The following THAP2 variants were observed in gnomAD, a reference collection of about 807,000 sequenced individuals.
THAP2 encodes the protein THAP domain containing 2, also known as THAP domain-containing protein 2.
In THAP2, 16 loss-of-function variants were observed where a neutral mutation model predicts 18.8. The ratio of observed to expected loss-of-function variants is 0.85; its 90% confidence interval spans 0.58 to 1.29. The LOEUF is 1.29. Ranked by LOEUF, THAP2 falls within the 50% of genes most tolerant of loss-of-function variation. THAP2 has a pLI of 0.00. For synonymous variants in THAP2, 80 were observed against 89.2 expected (o/e 0.90, Z 0.58); for missense variants, 251 against 265.3 (o/e 0.95, Z 0.38).
In THAP2 at chr12:71,664,570, A is replaced by T; in HGVS notation, c.61A>T (p.Ser21Cys). 1.9e-6 allele frequency: 3 copies of T among 1,614,190 alleles called. No homozygotes were observed. Among genetic ancestry groups the T allele is most frequent in the African/African-American group, 2.7e-5 (2 of 75,042 alleles). ...ATTYNKHINISFHRFPLDPKR... is the reference protein window; with the variant it reads ...ATTYNKHINICFHRFPLDPKR... ...TACCTACAACAAGCACATTAACATC[A>T]GCTTCCACAGGTAACCTGGGCAGGG... is the stretch of plus-strand genomic sequence containing the variant. The change falls in exon 1 of 3, where the codon AGC becomes TGC. Residue 21 changes from serine to cysteine, a missense_variant. Coordinates refer to ENST00000308086, the MANE Select transcript of THAP2 (RefSeq NM_031435.4).
chr12:71,674,355 C>T lies in THAP2; in HGVS notation c.224C>T (p.Ala75Val), dbSNP rs768646596. 6.2e-7 allele frequency: 1 copy of T among 1,611,550 alleles called. No homozygotes were observed. The highest frequency in any genetic ancestry group is 1.1e-5 in the South Asian group (1 of 90,824). The change falls in exon 2 of 3, where the codon GCT (alanine) becomes GTT (valine). Residue 75 changes from alanine to valine, a missense_variant. Ala to Val is a moderately conservative substitution (Grantham distance 64). Coordinates refer to ENST00000308086, the MANE Select transcript of THAP2 (RefSeq NM_031435.4). ...CAAACTCGACGACTTAAAATGGATG[C>T]TGTTCCAACCATTTTTGATTTTTGT... ...TGQTRRLKMD[A>V]VPTIFDFCTH...
intron 1 of THAP2, among the ~76,000 whole-genome samples, chr12:71,669,393 AAG>A (rs1375414647): frequency 2.0e-5 from 3 of 152,334 alleles, no homozygotes; most frequent in Middle Eastern, 3.4e-3. Context: ...TAGTTTTAAA[AAG>A]AGCTTTAAAA....
At position 71,677,172 on chromosome 12, in the gene THAP2, C is replaced by A; in HGVS notation, c.*64C>A. The A allele has an allele frequency of 7.4e-7, 1 of 1,345,482 alleles. No homozygotes were observed. Among genetic ancestry groups the A allele is most frequent in the South Asian group, 2.1e-5 (1 of 47,972 alleles). The allele number at this position is 1,345,482 out of a possible 1,614,324, so 83.3% of individuals were successfully genotyped here. Reference sequence around the variant, plus strand: ...TTTTCAGAAGTAAAGATAATTATGGCACTTATGCCAAAATTCATTATTTAA... The same window carrying A: ...TTTTCAGAAGTAAAGATAATTATGGAACTTATGCCAAAATTCATTATTTAA... On this transcript the variant is annotated 3_prime_UTR_variant, in exon 3 of 3. Coordinates refer to ENST00000308086, the MANE Select transcript of THAP2 (RefSeq NM_031435.4).
At position 71,664,459 on chromosome 12, in the gene THAP2, A is replaced by G. The variant is rs2137573727; in HGVS notation, c.-51A>G. On this transcript the variant is annotated 5_prime_UTR_variant, in exon 1 of 3. Coordinates refer to ENST00000308086, the MANE Select transcript of THAP2 (RefSeq NM_031435.4). ...AGCCTCTGCCAGAAGAAAGCTTAGCAGCCAGCGCCTCAGTAGAGACCTAAG... is the reference window on the plus strand; with the variant it reads ...AGCCTCTGCCAGAAGAAAGCTTAGCGGCCAGCGCCTCAGTAGAGACCTAAG... 1.2e-6 allele frequency: 2 copies of G among 1,610,216 alleles called. No individual in the cohort carries two copies. The highest frequency in any genetic ancestry group is 4.5e-5 in the East Asian group (2 of 44,866).
At position 71,673,878 on chromosome 12, in the gene THAP2, G is replaced by A. The variant is rs1030357693; in HGVS notation, c.72-325G>A. ...ATTAAAGCGTGGTGAAATTACTCCC[G>A]CTTATAATTGTTCTACTTAAACTTG... On this transcript the variant is annotated intron_variant, in intron 1 of 2. Transcript: ENST00000308086. Among the ~76,000 whole-genome samples the A allele has an allele frequency of 2.8e-4, 42 of 152,004 alleles. 1 individual carries two copies. Among genetic ancestry groups the A allele is most frequent in the African/African-American group, 3.1e-4 (13 of 41,474 alleles).
chr12:71,665,060 G>A, intron 1 of THAP2: 1 of 687,604 alleles, frequency 1.5e-6, no homozygotes. Flanking sequence ...GATAGCCATG[G>A]AATTAAGCGA....
Position 71,677,235 on chromosome 12 carries a change from A to C in THAP2, c.*127A>C, listed in dbSNP as rs573486322. 3.0e-5 allele frequency: 26 copies of C among 869,812 alleles called. No homozygotes were observed. In the East Asian group the frequency reaches 7.1e-4, roughly 24 times the overall value. The allele number at this position is 869,812 out of a possible 1,614,324, so 53.9% of individuals were successfully genotyped here. A position where few individuals can be genotyped will look rare whatever the true frequency, so the allele number is the denominator to read the frequency against. ...TGAAGTAACATTACTGAATTTGTGA[A>C]GACTTGATTACAAAAGAATAAAAAA... On this transcript the variant is annotated 3_prime_UTR_variant, in exon 3 of 3. Coordinates refer to ENST00000308086, the MANE Select transcript of THAP2 (RefSeq NM_031435.4).
rs143896949 is a variant in THAP2, at chr12:71,668,259, T to C, written c.71+3679T>C. On this transcript the variant is annotated intron_variant, in intron 1 of 2. Coordinates refer to ENST00000308086, the MANE Select transcript of THAP2 (RefSeq NM_031435.4). ...AATTTTTAAGGCCTCCTGACTAGAC[T>C]AGCTCTTCCTGTTTTACGGTTCCAC... Among the ~76,000 whole-genome samples, 11 of 152,334 alleles carry C rather than the reference T, an allele frequency of 7.2e-5. No individual in the cohort carries two copies. The East Asian group carries it at 2.1e-3, about 29-fold the overall frequency.
chr12:71,666,105 GAT>G (rs1881337986), intron 1 of THAP2, among the ~76,000 whole-genome samples: 4 of 152,256 alleles, frequency 2.6e-5, no homozygotes, highest in Admixed American at 2.6e-4. Context: ...AGACTAGGGT[GAT>G]ATTAGAGTAG....
intron 1 of THAP2, among the ~76,000 whole-genome samples, chr12:71,670,572 A>G (rs1189197837): frequency 6.6e-6 from 1 of 152,190 alleles, no homozygotes; most frequent in Non-Finnish European, 1.5e-5. Flanking sequence ...AACAATCAAC[A>G]CATATTTTTT....
rs1426524686 is a variant in THAP2 at position 71,664,363 on chromosome 12, C to G, written c.-147C>G. ...CGTCCTTCGCCTCCGCCCCCACATA[C>G]ACACCCCTTCTTCCCACTCCGCTCT... On this transcript the variant is annotated 5_prime_UTR_variant, in exon 1 of 3. Coordinates refer to ENST00000308086, the MANE Select transcript of THAP2 (RefSeq NM_031435.4). The G allele has an allele frequency of 7.8e-6, 7 of 896,890 alleles. No individual in the cohort carries two copies. In the East Asian group the frequency reaches 1.8e-4, roughly 22 times the overall value. The allele number at this position is 896,890 out of a possible 1,614,324, so 55.6% of individuals were successfully genotyped here.
At chr12:71,669,663 G>A (rs1487078851) in intron 1 of THAP2, among the ~76,000 whole-genome samples, 1 of 152,072 alleles carries the variant, frequency 6.6e-6, no homozygotes, top group Non-Finnish European at 1.5e-5. Context: ...ATAAGTTACA[G>A]AAAATTATTC....
At chr12:71,673,288 AT>A (rs561965895) in intron 1 of THAP2, among the ~76,000 whole-genome samples, 3 of 151,974 alleles carry the variant, frequency 2.0e-5, no homozygotes, top group South Asian at 4.1e-4. Flanking sequence ...CTTTTTCTTA[AT>A]TTTTTTGATG....
chr12:71,667,811 A>G (rs1420408274), intron 1 of THAP2: 2 of 152,224 alleles, frequency 1.3e-5, no homozygotes, highest in Non-Finnish European at 2.9e-5. Context: ...CAAGCTATCA[A>G]TATGACATCA....
intron 1 of THAP2, among the ~76,000 whole-genome samples, chr12:71,670,266 T>G (rs1348451949): frequency 6.6e-6 from 1 of 152,216 alleles, no homozygotes; most frequent in Non-Finnish European, 1.5e-5. Flanking sequence ...TAAACACTAG[T>G]CATTTCATAA....
chr12:71,671,823 G>A (rs537125434), intron 1 of THAP2, among the ~76,000 whole-genome samples: 31 of 152,100 alleles, frequency 2.0e-4, no homozygotes, highest in Non-Finnish European at 3.7e-4. Flanking sequence ...AGGACAAATA[G>A]ACCACTTTGA....
intron 1 of THAP2, among the ~76,000 whole-genome samples, chr12:71,672,635 A>AT (rs901946907): frequency 0.013 from 1,973 of 146,290 alleles, 41 homozygotes; most frequent in African/African-American, 0.043. Flanking sequence ...CAGCTTGATG[A>AT]TTTTTTTTTT....
rs1881583870 is a variant in THAP2, at chr12:71,680,506, C to G, written c.*3398C>G. 1 of 152,350 alleles carries G rather than the reference C, an allele frequency of 6.6e-6. No homozygotes were observed. Among genetic ancestry groups the G allele is most frequent in the African/African-American group, 2.4e-5 (1 of 41,364 alleles). 9.4% of individuals were successfully genotyped at this position (152,350 alleles called of 1,614,324 possible). A position where few individuals can be genotyped will look rare whatever the true frequency, so the allele number is the denominator to read the frequency against. On this transcript the variant is annotated 3_prime_UTR_variant, in exon 3 of 3. Coordinates refer to ENST00000308086, the MANE Select transcript of THAP2 (RefSeq NM_031435.4). ...TATAGGAAATGGTTCATCTTTGTAC[C>G]AAAATATTGCATTCTTCTGATATTT...
Position 71,677,987 on chromosome 12 carries a change from T to C in THAP2, c.*879T>C, listed in dbSNP as rs1003537028. ...CCAAATGCATACTATACCTCAGAAA[T>C]AGTGTATCAATATAGTGGGCTTTTT... On this transcript the variant is annotated 3_prime_UTR_variant, in exon 3 of 3. Coordinates refer to ENST00000308086, the MANE Select transcript of THAP2 (RefSeq NM_031435.4). The C allele has an allele frequency of 2.6e-5, 4 of 152,332 alleles. No homozygotes were observed. The highest frequency in any genetic ancestry group is 2.0e-4 in the Admixed American group (3 of 15,290). The allele number at this position is 152,332 out of a possible 1,614,324, so 9.4% of individuals were successfully genotyped here. A position where few individuals can be genotyped will look rare whatever the true frequency, so the allele number is the denominator to read the frequency against.
Sources: gnomAD v4.1 joint callset for allele counts (sites outside exome capture counted in the v4.1 genomes callset) on GRCh38, gnomAD v4.1.1 for gene constraint, MANE v1.5 for transcripts, NCBI Gene and HGNC (gene_info 2026-07-23, HGNC 2026-07-21) for gene names.